The following GMEB2 variants were observed in gnomAD, a reference collection of about 807,000 sequenced individuals.
GMEB2 encodes the protein glucocorticoid modulatory element-binding protein 2.
GMEB2 carries 7 observed loss-of-function variants against 45.7 expected under a neutral mutation model. The ratio of observed to expected loss-of-function variants is 0.15; its 90% CI spans 0.09 to 0.29. GMEB2 has a LOEUF of 0.29. Among genes scored for constraint, GMEB2 ranks in the 10% least tolerant of loss-of-function variants. The pLI is 1.00. For missense variants in GMEB2, 582 were observed against 739.2 expected (o/e 0.79, Z 2.47); for synonymous variants, 322 against 323.6 (o/e 1.00, Z 0.05).
rs1005517398 is a variant in GMEB2, at chr20:63,587,892, C to T, written c.*2197G>A. 3.3e-5 allele frequency: 5 copies of T among 152,442 alleles called. No homozygotes were observed. Among genetic ancestry groups the T allele is most frequent in the African/African-American group, 1.2e-4 (5 of 41,478 alleles). The allele number at this position is 152,442 out of a possible 1,614,324, so 9.4% of individuals were successfully genotyped here. A position where few individuals can be genotyped will look rare whatever the true frequency, so the allele number is the denominator to read the frequency against. ...CCAGGGAACCCTGCCCCCGAGGAGC[C>T]AGCAGGACCTGGAGGAGCCGGGGGC... On this transcript the variant is annotated 3_prime_UTR_variant, in exon 10 of 10. Transcript: ENST00000370077.
intron 2 of GMEB2, among the ~76,000 whole-genome samples, chr20:63,611,338 C>T (rs1416287962): frequency 6.6e-6 from 1 of 152,204 alleles, no homozygotes; most frequent in Middle Eastern, 3.2e-3. Flanking sequence ...ACAGGCTGGG[C>T]GTGGTGGCTC....
intron 2 of GMEB2, among the ~76,000 whole-genome samples, chr20:63,610,968 G>A (rs1486142484): frequency 6.6e-6 from 1 of 152,126 alleles, no homozygotes; most frequent in Non-Finnish European, 1.5e-5. Context: ...GCAGAGCCTC[G>A]GCCAGCCCAC....
chr20:63,590,000 G>A lies in GMEB2; in HGVS notation c.*89C>T, dbSNP rs1358573205. ...CAGACCACGTGACCCACCTGCCCGA[G>A]CCAGCCCTGCGGCCTCTGCCCGCTC... On this transcript the variant is annotated 3_prime_UTR_variant, in exon 10 of 10. Transcript: ENST00000370077. 4 of 1,210,556 alleles carry A rather than the reference G, an allele frequency of 3.3e-6. No homozygotes were observed. The highest frequency in any genetic ancestry group is 4.4e-6 in the Non-Finnish European group (4 of 899,792). The allele number at this position is 1,210,556 out of a possible 1,614,324, so 75.0% of individuals were successfully genotyped here.
chr20:63,600,919 A>C (rs1195239168), intron 4 of GMEB2, among the ~76,000 whole-genome samples: 1 of 152,082 alleles, frequency 6.6e-6, no homozygotes, highest in African/African-American at 2.4e-5. Flanking sequence ...AGGAGGCTCA[A>C]AGGGGAGGTC....
chr20:63,592,770 G>T lies in GMEB2; in HGVS notation c.692-100C>A. On this transcript the variant is annotated intron_variant, in intron 7 of 9. Coordinates refer to ENST00000370077, the MANE Select transcript of GMEB2 (RefSeq NM_012384.5). The surrounding 1 kb of genome is among the most constrained non-coding windows in gnomAD (Gnocchi z 8.2). ...ATCACCATAGCCACGAGGACACCAT[G>T]CCAGAGCCGGCAGCGCCTGGCACTG... 9.9e-7 allele frequency: 1 copy of T among 1,012,950 alleles called. No homozygotes were observed. The allele number at this position is 1,012,950 out of a possible 1,614,324, so 62.7% of individuals were successfully genotyped here. A position where few individuals can be genotyped will look rare whatever the true frequency, so the allele number is the denominator to read the frequency against.
At chr20:63,600,049 T>A (rs543011474) in intron 4 of GMEB2, among the ~76,000 whole-genome samples, 27 of 149,014 alleles carry the variant, frequency 1.8e-4, no homozygotes, top group East Asian at 9.8e-4. Flanking sequence ...AAAAAAAAAA[T>A]TTTTTTTTTT....
chr20:63,620,443 C>T (rs62207005), intron 1 of GMEB2, among the ~76,000 whole-genome samples: 13 of 152,128 alleles, frequency 8.5e-5, no homozygotes, highest in African/African-American at 2.4e-4. Context: ...CAGAGGGCAA[C>T]GAGCCTGGAG....
Position 63,595,533 on chromosome 20 carries a change from C to G in GMEB2, c.619+77G>C. The G allele has an allele frequency of 5.8e-6, 8 of 1,372,690 alleles. No individual in the cohort carries two copies. The South Asian group carries it at 7.9e-5, about 14-fold the overall frequency. The allele number at this position is 1,372,690 out of a possible 1,614,324, so 85.0% of individuals were successfully genotyped here. On this transcript the variant is annotated intron_variant, in intron 6 of 9. Coordinates refer to ENST00000370077, the MANE Select transcript of GMEB2 (RefSeq NM_012384.5). The stretch of plus-strand genomic sequence containing the variant: ...GAGCAAACGCCTGGGGCCAAGGAGG[C>G]CACCCAGGGGCATGTCACCCTCTGT...
At chr20:63,602,085 T>C (rs1334491700) in intron 4 of GMEB2, among the ~76,000 whole-genome samples, 1 of 152,258 alleles carries the variant, frequency 6.6e-6, no homozygotes, top group African/African-American at 2.4e-5. Flanking sequence ...CTACTTCTTG[T>C]GTGTCCAGGG....
Position 63,619,124 on chromosome 20 carries a change from C to T in GMEB2, c.131+143G>A, listed in dbSNP as rs2089627979. 3 of 766,016 alleles carry T rather than the reference C, an allele frequency of 3.9e-6. No individual in the cohort carries two copies. The highest frequency in any genetic ancestry group is 3.1e-5 in the East Asian group (1 of 31,970). 47.5% of individuals were successfully genotyped at this position (766,016 alleles called of 1,614,324 possible). On this transcript the variant is annotated intron_variant, in intron 2 of 9. Coordinates refer to ENST00000370077, the MANE Select transcript of GMEB2 (RefSeq NM_012384.5). This position sits in a 1 kb window ranked among gnomAD's most constrained non-coding sequence, Gnocchi z 4.6. ...TCTGCTTTTCTTCGCTCTCTACTTACACACACATTTGAGTCCAGTCTCAGA... is the reference window on the plus strand; with the variant it reads ...TCTGCTTTTCTTCGCTCTCTACTTATACACACATTTGAGTCCAGTCTCAGA...
Position 63,590,170 on chromosome 20 carries a change from G to T in GMEB2, c.1512C>A (p.Pro504=). The change falls in exon 10 of 10, where the codon CCC becomes CCA. Residue 504 remains proline, a synonymous_variant. Transcript: ENST00000370077. Reference sequence around the variant, plus strand: ...CCTCAGGCCCGGGGGCAGCCCCTGCGGGCACTGTCACAATTGTGCTGGAGC... The same window carrying T: ...CCTCAGGCCCGGGGGCAGCCCCTGCTGGCACTGTCACAATTGTGCTGGAGC... ...SPGSSTIVTV[P]AGAAPGPEEH... is the part of the protein sequence containing the mutation. 1.3e-6 allele frequency: 2 copies of T among 1,592,738 alleles called. No individual in the cohort carries two copies. Among genetic ancestry groups the T allele is most frequent in the East Asian group, 2.3e-5 (1 of 44,348 alleles).
intron 1 of GMEB2, among the ~76,000 whole-genome samples, chr20:63,622,263 G>A (rs1360107152): frequency 6.6e-6 from 1 of 152,240 alleles, no homozygotes; most frequent in East Asian, 1.9e-4. Flanking sequence ...AAGGACAGGA[G>A]TGGGTCCACC....
intron 1 of GMEB2, among the ~76,000 whole-genome samples, 186 bp downstream of exon 1, chr20:63,626,770 C>T (rs1479044715): frequency 6.8e-6 from 1 of 146,852 alleles, no homozygotes; most frequent in Admixed American, 6.8e-5. Flanking sequence ...CCACCGCCCG[C>T]GCCGCCCGCC....
At position 63,604,796 on chromosome 20, in the gene GMEB2, G is replaced by A. The variant is rs775628601; in HGVS notation, c.176C>T (p.Ala59Val). The change falls in exon 3 of 10, where the codon GCA becomes GTA. Residue 59 changes from alanine (A) to valine (V), a missense_variant. By Grantham distance (64) the Ala-to-Val change is moderately conservative. Transcript: ENST00000370077. ...GGCTGTGAAGGCCGCGGCAGCTGCT[G>A]CCGCTGCATTTTCTGTCTCCATGTT... ...EDNMETENAA[A>V]AAAAAFTASS... 7.4e-6 allele frequency: 12 copies of A among 1,611,906 alleles called. No individual in the cohort carries two copies. The highest frequency in any genetic ancestry group is 1.0e-5 in the Non-Finnish European group (12 of 1,178,224).
At chr20:63,609,538 C>G (rs1242261729) in intron 2 of GMEB2, among the ~76,000 whole-genome samples, 1 of 32,472 alleles carries the variant, frequency 3.1e-5, no homozygotes, top group African/African-American at 8.7e-5. Flanking sequence ...TTTCTAGAAA[C>G]ATGCCCCTCT....
intron 4 of GMEB2, among the ~76,000 whole-genome samples, chr20:63,599,708 G>A (rs919720119): frequency 1.3e-5 from 2 of 152,130 alleles, no homozygotes; most frequent in Non-Finnish European, 2.9e-5. Context: ...CATTTCTTTC[G>A]TGTTTCCAAC....
In GMEB2 at chr20:63,619,508, C is replaced by T. The variant is rs766648785; in HGVS notation, c.-57-54G>A. ...TGGAGTCATCTCCACATCCACACAA[C>T]ATAGCACTCACAAAGGCATCTCTAA... On this transcript the variant is annotated intron_variant, in intron 1 of 9. Transcript: ENST00000370077. This position sits in a 1 kb window ranked among gnomAD's most constrained non-coding sequence, Gnocchi z 4.6. 2.0e-4 allele frequency: 212 copies of T among 1,071,318 alleles called. No homozygotes were observed. Among genetic ancestry groups the T allele is most frequent in the Non-Finnish European group, 2.7e-4 (204 of 747,042 alleles). The allele number at this position is 1,071,318 out of a possible 1,614,324, so 66.4% of individuals were successfully genotyped here. A position where few individuals can be genotyped will look rare whatever the true frequency, so the allele number is the denominator to read the frequency against.
At chr20:63,620,275 C>T (rs1330671389) in intron 1 of GMEB2, among the ~76,000 whole-genome samples, 2 of 152,010 alleles carry the variant, frequency 1.3e-5, no homozygotes, top group Non-Finnish European at 1.5e-5. Context: ...TGCTAAAACC[C>T]AGTGATAATG....
rs1045989993 is a variant in GMEB2, at chr20:63,593,235, T to C, written c.620-153A>G. ...AGGATACGCACTAGTACAGCCAAAG[T>C]GTACCTGCCTTATATTTTATGGCTA... On this transcript the variant is annotated intron_variant, in intron 6 of 9. Coordinates refer to ENST00000370077, the MANE Select transcript of GMEB2 (RefSeq NM_012384.5). The surrounding 1 kb of genome is among the most constrained non-coding windows in gnomAD (Gnocchi z 4.7). Among the ~76,000 whole-genome samples, 3 of 152,130 alleles carry C rather than the reference T, an allele frequency of 2.0e-5. No homozygotes were observed. Among genetic ancestry groups the C allele is most frequent in the Admixed American group, 6.5e-5 (1 of 15,282 alleles).
Sources: gnomAD v4.1 joint callset for allele counts (sites outside exome capture counted in the v4.1 genomes callset) on GRCh38, gnomAD v4.1.1 for gene constraint, Gnocchi (gnomAD v3.1) non-coding constraint, MANE v1.5 for transcripts, NCBI Gene and HGNC (gene_info 2026-07-23, HGNC 2026-07-21) for gene names.